The following DAB1 variants were observed in gnomAD, a reference collection of about 807,000 sequenced individuals.
The protein encoded by DAB1 is DAB adaptor protein 1.
Under a neutral mutation model 64.6 loss-of-function variants are expected in DAB1, and 15 were observed. The observed-to-expected ratio is 0.23, with a 90% CI of 0.16 to 0.36. DAB1 has a LOEUF of 0.36. Among genes scored for constraint, DAB1 ranks in the 10% least tolerant of loss-of-function variants. The probability of loss-of-function intolerance (pLI) is 1.00; values close to 1 mark genes in which losing one functional copy is unlikely to be tolerated. For missense variants in DAB1, 596 were observed against 706.7 expected, an observed-to-expected ratio of 0.84 and a Z score of 1.78; for synonymous variants, 235 against 251.9, an observed-to-expected ratio of 0.93 and a Z score of 0.64.
chr1:58,423,136 G>A (rs1644788532), intron 3 of DAB1, among the ~76,000 whole-genome samples: 1 of 152,150 alleles, frequency 6.6e-6, no homozygotes, highest in Non-Finnish European at 1.5e-5. Context: ...CAGGTCTTCA[G>A]CCCCAGAGCC....
At chr1:57,386,262 T>C (rs577855541) in intron 1 of DAB1, among the ~76,000 whole-genome samples, 5 of 151,616 alleles carry the variant, frequency 3.3e-5, no homozygotes, top group African/African-American at 1.2e-4. Flanking sequence ...GCAGAGTCTT[T>C]ATCCTTCAAG....
intron 2 of DAB1, among the ~76,000 whole-genome samples, chr1:58,516,744 T>G (rs569782564): frequency 6.6e-6 from 1 of 152,292 alleles, no homozygotes; most frequent in Non-Finnish European, 1.5e-5. Context: ...ATATGACCAA[T>G]AGAACCATCT....
chr1:57,535,152 C>A (rs1283009993), intron 7 of DAB1, among the ~76,000 whole-genome samples: 1 of 152,086 alleles, frequency 6.6e-6, no homozygotes, highest in Non-Finnish European at 1.5e-5. Context: ...AATTTCCTAA[C>A]CTCTTGAGGT....
intron 3 of DAB1, among the ~76,000 whole-genome samples, chr1:58,383,887 T>C (rs1358071650): frequency 6.6e-6 from 1 of 152,234 alleles, no homozygotes; most frequent in Non-Finnish European, 1.5e-5. Context: ...ATTCATTGGA[T>C]ATATATCCAG....
chr1:58,487,040 G>T (rs1645588250), intron 3 of DAB1, among the ~76,000 whole-genome samples: 1 of 152,198 alleles, frequency 6.6e-6, no homozygotes, highest in Non-Finnish European at 1.5e-5. Flanking sequence ...ACATTACAAT[G>T]ATCACTCTGG....
chr1:57,662,758 C>G (rs944239176), intron 6 of DAB1, among the ~76,000 whole-genome samples: 5 of 152,166 alleles, frequency 3.3e-5, no homozygotes, highest in Non-Finnish European at 7.3e-5. Context: ...GAGACCAGCT[C>G]AAGTGCTTGC....
At chr1:57,940,318 G>A (rs972430118) in intron 5 of DAB1, among the ~76,000 whole-genome samples, 5 of 152,176 alleles carry the variant, frequency 3.3e-5, no homozygotes, top group Admixed American at 2.0e-4. Flanking sequence ...AAATTTCAAG[G>A]AAGATACAGT....
intron 7 of DAB1, among the ~76,000 whole-genome samples, chr1:57,464,578 GC>G (rs1343420916): frequency 6.6e-6 from 1 of 152,098 alleles, no homozygotes; most frequent in African/African-American, 2.4e-5. Context: ...AATCTAAGAG[GC>G]CAGCAAAGAG....
intron 5 of DAB1, among the ~76,000 whole-genome samples, chr1:58,127,511 GT>G (rs1653195827): frequency 6.6e-6 from 1 of 151,730 alleles, no homozygotes; most frequent in Non-Finnish European, 1.5e-5. Flanking sequence ...TGCTTTTGGT[GT>G]TTTAGACATG....
At chr1:57,405,146 CT>C (rs373810314) in intron 1 of DAB1, among the ~76,000 whole-genome samples, 29 of 152,262 alleles carry the variant, frequency 1.9e-4, no homozygotes, top group African/African-American at 6.7e-4. Flanking sequence ...ACATAACAAG[CT>C]GAATTAAGGC....
chr1:57,071,530 C>G lies in DAB1; in HGVS notation c.550G>C (p.Val184Leu), dbSNP rs1458978075. The G allele has an allele frequency of 6.2e-7, 1 of 1,613,336 alleles. No individual in the cohort carries two copies. Among genetic ancestry groups the G allele is most frequent in the Non-Finnish European group, 8.5e-7 (1 of 1,179,830 alleles). ...AQKDKQCEQA[V>L]YQTILEEDVE... ...TAAATTCACAGGTATACCTGGTACA[C>G]AGCTTGTTCACACTGCTTATCCTTT... The change falls in exon 6 of 15, where the codon GTG becomes CTG. Residue 184 changes from valine to leucine, a missense_variant. Physicochemically the swap from Val to Leu is conservative, Grantham distance 32 (BLOSUM62 1). This residue lies in a region of DAB1 where 176 missense variants were observed against 266.7 expected (regional missense o/e 0.66). Coordinates refer to ENST00000371236, the MANE Select transcript of DAB1 (RefSeq NM_001365792.1).
chr1:57,784,207 CA>C (rs1307113674), intron 6 of DAB1, among the ~76,000 whole-genome samples: 1 of 152,022 alleles, frequency 6.6e-6, no homozygotes, highest in Non-Finnish European at 1.5e-5. Context: ...CCAGTCTGGG[CA>C]AAATGGCAAG....
chr1:57,802,491 G>A (rs749315081), intron 6 of DAB1, among the ~76,000 whole-genome samples: 12 of 152,180 alleles, frequency 7.9e-5, no homozygotes, highest in Non-Finnish European at 1.6e-4. Context: ...CGAGCCTAGC[G>A]GAGAGCTCTG....
At chr1:57,660,026 A>C (rs1646367529) in intron 6 of DAB1, among the ~76,000 whole-genome samples, 1 of 147,742 alleles carries the variant, frequency 6.8e-6, no homozygotes, top group Non-Finnish European at 1.5e-5. Context: ...AATAAGATGA[A>C]AAGATAGATA....
chr1:57,631,661 T>C (rs1222190607), intron 7 of DAB1, among the ~76,000 whole-genome samples: 1 of 152,234 alleles, frequency 6.6e-6, no homozygotes, highest in Non-Finnish European at 1.5e-5. Context: ...TTTTACTTCA[T>C]AAATTTTGTG....
chr1:57,428,370 TTTGA>T (rs1685369116), upstream of DAB1, among the ~76,000 whole-genome samples: 1 of 152,128 alleles, frequency 6.6e-6, no homozygotes, highest in Non-Finnish European at 1.5e-5. Flanking sequence ...TTTTGATGAG[TTTGA>T]TTGATTTAGA....
rs1277869817 is a variant in DAB1, at chr1:58,300,644, GAGAGGAAGGAAGGAAGGA to G, written n.309+42690_309+42707del. ...AGAGAGAGAGAGAGAGAGAGAGAGA[GAGAGGAAGGAAGGAAGGA>G]AGGAAGGAAGGAAGGAAGGAAGGAA... On this transcript the variant is annotated intron_variant and non_coding_transcript_variant, in intron 4 of 20. Coordinates refer to the DAB1 transcript ENST00000485760. Among the ~76,000 whole-genome samples, 13 of 59,406 alleles carry G rather than the reference GAGAGGAAGGAAGGAAGGA, an allele frequency of 2.2e-4. 1 individual carries two copies. Among genetic ancestry groups the G allele is most frequent in the African/African-American group, 8.2e-4 (13 of 15,786 alleles). 39.0% of individuals were successfully genotyped at this position (59,406 alleles called of 152,430 possible). A position where few individuals can be genotyped will look rare whatever the true frequency, so the allele number is the denominator to read the frequency against.
At chr1:57,870,464 G>T (rs796361106) in intron 1 of DAB1, among the ~76,000 whole-genome samples, 3 of 152,126 alleles carry the variant, frequency 2.0e-5, no homozygotes, top group Non-Finnish European at 4.4e-5. Flanking sequence ...ACATAGACTT[G>T]TACTGGAATC....
At chr1:57,282,990 G>A (rs74956284) in intron 2 of DAB1, among the ~76,000 whole-genome samples, 4,292 of 152,202 alleles carry the variant, frequency 0.028, 61 homozygotes, top group Non-Finnish European at 0.038. Flanking sequence ...TCAAGCCACA[G>A]GGCAAACCCA....
Sources: allele counts gnomAD v4.1 joint callset (sites outside exome capture counted in the v4.1 genomes callset), GRCh38; gene constraint gnomAD v4.1.1; regional missense constraint gnomAD v4.1.1; transcripts MANE v1.5; gene names NCBI Gene and HGNC (gene_info 2026-07-23, HGNC 2026-07-21).